The following NFIC variants were observed in gnomAD, a reference collection of about 807,000 sequenced individuals.
NFIC encodes the protein nuclear factor I C.
NFIC carries 12 observed loss-of-function variants against 54.4 expected under a neutral mutation model. The ratio of observed to expected loss-of-function variants is 0.22; its 90% CI spans 0.14 to 0.36. The LOEUF (loss-of-function observed/expected upper bound fraction) is 0.36, where lower values mean the gene tolerates loss of function less well. Among genes scored for constraint, NFIC ranks in the 10% least tolerant of loss-of-function variants. The probability of loss-of-function intolerance (pLI) is 1.00; values close to 1 mark genes in which losing one functional copy is unlikely to be tolerated. For missense variants in NFIC, 575 were observed against 718.2 expected, an observed-to-expected ratio of 0.80 and a Z score of 2.28; for synonymous variants, 322 against 319.2, an observed-to-expected ratio of 1.01 and a Z score of -0.09.
intron 2 of NFIC, among the ~76,000 whole-genome samples, chr19:3,389,570 A>G (rs2145498178): frequency 6.6e-6 from 1 of 152,272 alleles, no homozygotes; most frequent in South Asian, 2.1e-4. Flanking sequence ...TGTGGGGCGC[A>G]TTCTTCTCTT....
At chr19:3,408,972 T>G (rs1349992241) in intron 2 of NFIC, among the ~76,000 whole-genome samples, 13 of 151,992 alleles carry the variant, frequency 8.6e-5, no homozygotes, top group Admixed American at 8.5e-4. Context: ...CCTCAAGTGA[T>G]CCTCCCACTT....
At chr19:3,371,824 C>T (rs181043750) in intron 1 of NFIC, among the ~76,000 whole-genome samples, 18 of 152,098 alleles carry the variant, frequency 1.2e-4, no homozygotes, top group Admixed American at 1.2e-3. Flanking sequence ...CAGGCTCAGA[C>T]CCCTCTCTAC....
intron 1 of NFIC, among the ~76,000 whole-genome samples, chr19:3,360,220 C>G (rs1484592513): frequency 6.9e-6 from 1 of 145,638 alleles, no homozygotes; most frequent in Admixed American, 6.8e-5. Context: ...GCGGAGAGCG[C>G]GCCGCGGCCG....
intron 6 of NFIC, 43 bp downstream of exon 6, chr19:3,435,250 T>G (rs754589759): frequency 6.6e-7 from 1 of 1,520,598 alleles, no homozygotes; most frequent in Non-Finnish European, 8.9e-7. Context: ...CCGGTCTGAG[T>G]CACCGTGGCG....
At chr19:3,446,725 C>T (rs2082378511) in intron 6 of NFIC, among the ~76,000 whole-genome samples, 1 of 152,208 alleles carries the variant, frequency 6.6e-6, no homozygotes, top group South Asian at 2.1e-4. Context: ...TGATCCTTAG[C>T]CCTCACTTGA....
At position 3,467,493 on chromosome 19, in the gene NFIC, G is replaced by T. The variant is rs1373855838; in HGVS notation, c.*4724G>T. The T allele has an allele frequency of 6.6e-6, 1 of 151,558 alleles. No homozygotes were observed. The highest frequency in any genetic ancestry group is 1.5e-5 in the Non-Finnish European group (1 of 67,920). 9.4% of individuals were successfully genotyped at this position (151,558 alleles called of 1,614,324 possible). A position where few individuals can be genotyped will look rare whatever the true frequency, so the allele number is the denominator to read the frequency against. ...CCAAAGGAATGCCAAAGGGGACTCG[G>T]TTGGGAGAGCCGCTTAGGGGCCAGA... On this transcript the variant is annotated 3_prime_UTR_variant, in exon 11 of 11. Coordinates refer to ENST00000443272, the MANE Select transcript of NFIC (RefSeq NM_001245002.2).
intron 2 of NFIC, among the ~76,000 whole-genome samples, chr19:3,387,670 A>T (rs898527203): frequency 5.9e-5 from 9 of 151,314 alleles, no homozygotes; most frequent in Non-Finnish European, 4.4e-5. Context: ...GGCTGGGTGG[A>T]GGGAGCAGTG....
At chr19:3,412,775 T>C (rs1303078261) in intron 2 of NFIC, among the ~76,000 whole-genome samples, 1 of 152,156 alleles carries the variant, frequency 6.6e-6, no homozygotes, top group Non-Finnish European at 1.5e-5. Context: ...TTATAATTAT[T>C]ATCAATGCTA....
intron 4 of NFIC, 81 bp downstream of exon 4, chr19:3,433,673 C>G (rs1037197671): frequency 2.0e-5 from 29 of 1,450,368 alleles, no homozygotes; most frequent in Non-Finnish European, 2.6e-5. Context: ...CCCCCTCACC[C>G]TACTCCTTGT....
rs1210892695 is a variant in NFIC at position 3,463,332 on chromosome 19, T to TG, written c.*569dup. 8 of 985,222 alleles carry TG rather than the reference T, an allele frequency of 8.1e-6. No individual in the cohort carries two copies. Among genetic ancestry groups the TG allele is most frequent in the Non-Finnish European group, 9.6e-6 (8 of 830,596 alleles). 61.0% of individuals were successfully genotyped at this position (985,222 alleles called of 1,614,324 possible). Reference sequence around the variant, plus strand: ...CAGCCCCCACCGAGGACGCAGCCACTGGGGGGAAAGGGAGACACAGCGGAC... The same window carrying TG: ...CAGCCCCCACCGAGGACGCAGCCACTGGGGGGGAAAGGGAGACACAGCGGAC... On this transcript the variant is annotated 3_prime_UTR_variant, in exon 11 of 11. Transcript: ENST00000443272.
chr19:3,383,081 C>T (rs895112299), intron 2 of NFIC, among the ~76,000 whole-genome samples: 12 of 152,022 alleles, frequency 7.9e-5, no homozygotes, highest in East Asian at 7.7e-4. Flanking sequence ...GCACAACGGA[C>T]GGCCTTGCTG....
intron 2 of NFIC, among the ~76,000 whole-genome samples, chr19:3,415,414 C>T (rs12461237): frequency 0.93 from 141,866 of 151,856 alleles, 66,293 homozygotes; most frequent in East Asian, 0.97. Flanking sequence ...AGCTCTACTG[C>T]GCCCGGCCAA....
At chr19:3,414,807 A>T (rs964551884) in intron 2 of NFIC, among the ~76,000 whole-genome samples, 1 of 151,462 alleles carries the variant, frequency 6.6e-6, no homozygotes, top group Non-Finnish European at 1.5e-5. Flanking sequence ...TAAAGTGCTT[A>T]GTTTGTTTTT....
At chr19:3,363,601 G>A (rs577100199), upstream of NFIC, among the ~76,000 whole-genome samples, 34 of 152,062 alleles carry the variant, frequency 2.2e-4, no homozygotes, top group Non-Finnish European at 4.3e-4. Context: ...GTGGGTGTGT[G>A]TGCATGTGTG....
At chr19:3,387,627 G>C (rs1255801083) in intron 2 of NFIC, among the ~76,000 whole-genome samples, 5 of 152,122 alleles carry the variant, frequency 3.3e-5, no homozygotes, top group Non-Finnish European at 5.9e-5. Flanking sequence ...CGTCTTTGAG[G>C]TGAGGCTTGA....
chr19:3,395,257 G>A (rs1340843846), intron 2 of NFIC, among the ~76,000 whole-genome samples: 3 of 152,052 alleles, frequency 2.0e-5, no homozygotes, highest in Non-Finnish European at 4.4e-5. Context: ...TACTGGGGAG[G>A]CTGAGGCAGG....
intron 1 of NFIC, 96 bp downstream of exon 1, chr19:3,366,762 C>A: frequency 1.1e-6 from 1 of 881,338 alleles, no homozygotes; most frequent in Non-Finnish European, 1.6e-6. Flanking sequence ...GAAAAAGGCG[C>A]GCGTCCCTCC....
At chr19:3,392,775 G>T (rs1019756252) in intron 2 of NFIC, among the ~76,000 whole-genome samples, 4 of 152,198 alleles carry the variant, frequency 2.6e-5, no homozygotes, top group Non-Finnish European at 5.9e-5. Flanking sequence ...GCGAGGGCAG[G>T]AAGTCACAGA....
chr19:3,462,721 T>TC, intron 10 of NFIC, 31 bp from the exon 11 acceptor site: 1 of 1,612,530 alleles, frequency 6.2e-7, no homozygotes, highest in South Asian at 1.1e-5. Flanking sequence ...TTTTTCTCTC[T>TC]CCCTCTTTCT....
Sources: gnomAD v4.1 joint callset for allele counts (sites outside exome capture counted in the v4.1 genomes callset) on GRCh38, gnomAD v4.1.1 for gene constraint, MANE v1.5 for transcripts, NCBI Gene and HGNC (gene_info 2026-07-23, HGNC 2026-07-21) for gene names.